Variants in CSMD1 observed in about 807,000 individuals in gnomAD.
CSMD1 encodes CUB and Sushi multiple domains 1, also known as CUB and sushi domain-containing protein 1.
CSMD1 carries 213 observed loss-of-function variants against 417.5 expected under a neutral mutation model. That is an observed-to-expected ratio of 0.51 (90% confidence interval 0.46 to 0.57). The LOEUF is 0.57. CSMD1 is among the 20% of genes least tolerant of loss of function. The probability of loss-of-function intolerance (pLI) is 0.00; values close to 1 mark genes in which losing one functional copy is unlikely to be tolerated. For synonymous variants in CSMD1, 2,862 were observed against 1,736.8 expected, an observed-to-expected ratio of 1.65 and a Z score of -16.11; for missense variants, 6,923 against 4,529.7, an observed-to-expected ratio of 1.53 and a Z score of -15.17.
intron 2 of CSMD1, among the ~76,000 whole-genome samples, chr8:4,587,163 C>T (rs1327349811): frequency 6.6e-6 from 1 of 152,096 alleles, no homozygotes; most frequent in Non-Finnish European, 1.5e-5. Flanking sequence ...CCATCGTGAG[C>T]CAACCAGCTT....
At chr8:3,045,193 G>T (rs1022012561) in intron 50 of CSMD1, among the ~76,000 whole-genome samples, 1 of 152,054 alleles carries the variant, frequency 6.6e-6, no homozygotes, top group Admixed American at 6.6e-5. Flanking sequence ...TATTATAAAC[G>T]TTACATTTAT....
chr8:4,791,477 C>T (rs1208018040), intron 1 of CSMD1, among the ~76,000 whole-genome samples: 2 of 152,152 alleles, frequency 1.3e-5, no homozygotes, highest in Non-Finnish European at 2.9e-5. Context: ...ACCTAATTTT[C>T]TCACCACAGC....
Position 3,632,498 on chromosome 8 carries a change from T to C in CSMD1, c.1010-15701A>G, listed in dbSNP as rs533346204. 4.6e-5 allele frequency among the ~76,000 whole-genome samples: 7 copies of C among 152,250 alleles called. No homozygotes were observed. The South Asian group carries it at 8.3e-4, about 18-fold the overall frequency. The stretch of plus-strand genomic sequence containing the variant: ...TCATTAACATGTCATGATAAAACCT[T>C]AGATTGTGATGGGCGTTGAAGATGA... On this transcript the variant is annotated intron_variant, in intron 7 of 69. Transcript: ENST00000635120.
intron 46 of CSMD1, among the ~76,000 whole-genome samples, chr8:3,097,738 C>T (rs1388065373): frequency 6.6e-6 from 1 of 151,914 alleles, no homozygotes; most frequent in African/African-American, 2.4e-5. Context: ...ACTGAAATTG[C>T]AGAATGGAAA....
chr8:3,875,954 T>C (rs1805787199), intron 5 of CSMD1, among the ~76,000 whole-genome samples: 1 of 151,892 alleles, frequency 6.6e-6, no homozygotes. Flanking sequence ...GGCAAATTTA[T>C]GGAGTAACTG....
At chr8:3,759,154 T>C (rs1797845841) in intron 5 of CSMD1, among the ~76,000 whole-genome samples, 2 of 152,222 alleles carry the variant, frequency 1.3e-5, no homozygotes, top group Admixed American at 1.3e-4. Context: ...TTTGTGTTAA[T>C]TTGTTATGGT....
At chr8:4,878,427 T>C (rs932082863) in intron 1 of CSMD1, among the ~76,000 whole-genome samples, 3 of 152,038 alleles carry the variant, frequency 2.0e-5, no homozygotes, top group Non-Finnish European at 4.4e-5. Flanking sequence ...TAATATATGA[T>C]TAAAAATGTC....
intron 11 of CSMD1, among the ~76,000 whole-genome samples, chr8:3,485,332 C>T (rs529689091): frequency 6.6e-6 from 1 of 152,054 alleles, no homozygotes; most frequent in South Asian, 2.1e-4. Context: ...AACATTCTTG[C>T]AATGACAAAT....
At chr8:3,074,010 G>A (rs1203567414) in intron 49 of CSMD1, among the ~76,000 whole-genome samples, 1 of 152,196 alleles carries the variant, frequency 6.6e-6, no homozygotes, top group South Asian at 2.1e-4. Context: ...GTTCAGGTAC[G>A]GGCGTGGCCT....
chr8:4,174,088 C>G (rs1797909898), intron 3 of CSMD1, among the ~76,000 whole-genome samples: 1 of 152,118 alleles, frequency 6.6e-6, no homozygotes, highest in Non-Finnish European at 1.5e-5. Context: ...CAATCAACAT[C>G]AGGGAGACTC....
At chr8:4,295,059 ATCT>A (rs1797584091) in intron 3 of CSMD1, among the ~76,000 whole-genome samples, 1 of 97,292 alleles carries the variant, frequency 1.0e-5, no homozygotes, top group Non-Finnish European at 2.4e-5. Context: ...TACACATATA[ATCT>A]TAAGATTACA....
intron 3 of CSMD1, among the ~76,000 whole-genome samples, chr8:4,365,210 AT>A (rs1251150664): frequency 6.6e-6 from 1 of 152,198 alleles, no homozygotes; most frequent in Non-Finnish European, 1.5e-5. Context: ...TTGTCTATAT[AT>A]AAAAAAAGAG....
At chr8:4,927,087 CATTATT>C (rs142803606) in intron 1 of CSMD1, among the ~76,000 whole-genome samples, 2,015 of 143,446 alleles carry the variant, frequency 0.014, 32 homozygotes, top group African/African-American at 0.042. Context: ...GCTTTCAATG[CATTATT>C]ATTATTATTA....
intron 12 of CSMD1, among the ~76,000 whole-genome samples, chr8:3,426,561 G>T (rs17322202): frequency 6.6e-6 from 1 of 152,000 alleles, no homozygotes; most frequent in Non-Finnish European, 1.5e-5. Context: ...TAAACACCAG[G>T]ACAGATGAAG....
intron 5 of CSMD1, among the ~76,000 whole-genome samples, chr8:3,907,038 G>T (rs1584945042): frequency 6.6e-6 from 1 of 152,072 alleles, no homozygotes; most frequent in Non-Finnish European, 1.5e-5. Context: ...AAAATGGCTG[G>T]GAGAGCTTAC....
At chr8:4,816,302 A>G (rs1799205385) in intron 1 of CSMD1, among the ~76,000 whole-genome samples, 1 of 151,988 alleles carries the variant, frequency 6.6e-6, no homozygotes, top group African/African-American at 2.4e-5. Flanking sequence ...CTCCTGCCTC[A>G]GCCTGCCAAG....
chr8:2,999,344 T>C (rs941558544), intron 53 of CSMD1, among the ~76,000 whole-genome samples: 6 of 152,030 alleles, frequency 3.9e-5, no homozygotes, highest in Non-Finnish European at 5.9e-5. Context: ...TTAGTAGAAA[T>C]GGGGTTTTGC....
chr8:3,118,358 A>C (rs1345439115), intron 42 of CSMD1, 41 bp downstream of exon 42: 6 of 1,426,098 alleles, frequency 4.2e-6, no homozygotes, highest in Non-Finnish European at 5.9e-6. Context: ...TATTATGCCC[A>C]TGAAACATTA....
At chr8:4,787,397 C>A in intron 1 of CSMD1, 3 of 738,272 alleles carry the variant, frequency 4.1e-6, no homozygotes, top group South Asian at 3.0e-5. Context: ...AAGAAGTCTA[C>A]GAAAAGTCCT....
Sources: gnomAD v4.1 joint callset for allele counts (sites outside exome capture counted in the v4.1 genomes callset) on GRCh38, gnomAD v4.1.1 for gene constraint, MANE v1.5 for transcripts, NCBI Gene and HGNC (gene_info 2026-07-23, HGNC 2026-07-21) for gene names.